Variants in TOMM34 observed in about 807,000 individuals in gnomAD.
TOMM34 encodes the protein translocase of outer mitochondrial membrane 34, also known as mitochondrial import receptor subunit TOM34.
Under a neutral mutation model 37.4 loss-of-function variants are expected in TOMM34, and 24 were observed. The observed-to-expected ratio is 0.64, with a 90% confidence interval of 0.46 to 0.90. TOMM34 has a LOEUF of 0.90. Ranked by LOEUF, TOMM34 falls within the 40% of genes least tolerant of loss-of-function variation. The pLI is 0.00. For synonymous variants in TOMM34, 154 were observed against 148.9 expected (o/e 1.03, Z -0.25); for missense variants, 304 against 375.6 (o/e 0.81, Z 1.58).
intron 5 of TOMM34, 88 bp downstream of exon 5, chr20:44,948,642 T>C: frequency 3.3e-6 from 5 of 1,511,954 alleles, no homozygotes; most frequent in Non-Finnish European, 4.5e-6. Context: ...GACTAAATGC[T>C]AGGGATGAAG....
At chr20:44,947,733 C>T (rs564995472) in intron 5 of TOMM34, among the ~76,000 whole-genome samples, 2 of 152,282 alleles carry the variant, frequency 1.3e-5, no homozygotes, top group Admixed American at 1.3e-4. Flanking sequence ...CTCCTGACCT[C>T]AAGTGATCCT....
intron 5 of TOMM34, among the ~76,000 whole-genome samples, chr20:44,946,696 T>C (rs970971473): frequency 6.6e-5 from 10 of 152,332 alleles, no homozygotes; most frequent in Admixed American, 3.9e-4. Flanking sequence ...AGCCTGGGCA[T>C]TGTGTCATTC....
chr20:44,956,402 T>C lies in TOMM34; in HGVS notation c.211A>G (p.Ile71Val), dbSNP rs1192722853. 14 of 1,614,218 alleles carry C rather than the reference T, an allele frequency of 8.7e-6. No homozygotes were observed. The highest frequency in any genetic ancestry group is 1.0e-5 in the Non-Finnish European group (12 of 1,180,030). The change falls in exon 2 of 7, where the codon ATC becomes GTC. Residue 71 changes from isoleucine to valine, a missense_variant. Physicochemically the swap from Ile to Val is conservative, Grantham distance 29. Coordinates refer to ENST00000372813, the MANE Select transcript of TOMM34 (RefSeq NM_006809.5). ...GCCACTTACGAAGTGCAATCTTTGA[T>C]GCAGTCTCTGCAGTTTCCATCCTTC... ...HLKDGNCRDC[I>V]KDCTSALALV...
At chr20:44,949,662 G>T (rs559612529) in intron 4 of TOMM34, among the ~76,000 whole-genome samples, 2 of 152,244 alleles carry the variant, frequency 1.3e-5, no homozygotes, top group South Asian at 4.1e-4. Flanking sequence ...TATGACCAGG[G>T]TAAGATTATA....
In TOMM34 at chr20:44,951,939, G is replaced by C; in HGVS notation, c.444C>G (p.Pro148=). The part of the protein sequence containing the change: ...PEWRLKLPSI[P]LVPVSAQKRW... ...TCTTCTGAGCTGAAACAGGCACCAAGGGGATTGAGGGCAGCTTCAGGCGCC... is the reference window on the plus strand; with the variant it reads ...TCTTCTGAGCTGAAACAGGCACCAACGGGATTGAGGGCAGCTTCAGGCGCC... Residue 148 remains proline (P), a synonymous_variant, in exon 4 of 7, where the codon CCC becomes CCG. Transcript: ENST00000372813. 6.2e-7 allele frequency: 1 copy of C among 1,614,136 alleles called. No homozygotes were observed. The highest frequency in any genetic ancestry group is 1.1e-5 in the South Asian group (1 of 91,070).
At chr20:44,956,545 G>C in intron 1 of TOMM34, 60 bp from the exon 2 acceptor site, 1 of 1,532,386 alleles carries the variant, frequency 6.5e-7, no homozygotes, top group Non-Finnish European at 9.0e-7. Context: ...AGGGCATTAG[G>C]ATACATTTCA....
chr20:44,959,948 T>G, intron 1 of TOMM34: 2 of 985,360 alleles, frequency 2.0e-6, no homozygotes, highest in Non-Finnish European at 2.4e-6. Flanking sequence ...AAAAATGAAT[T>G]GCTGCGGGGG....
At chr20:44,955,597 TCTG>T (rs2067065232) in intron 2 of TOMM34, 1 of 461,148 alleles carries the variant, frequency 2.2e-6, no homozygotes, top group Non-Finnish European at 4.3e-6. Context: ...GAATTCCACC[TCTG>T]CTGCTAACTA....
At position 44,951,867 on chromosome 20, in the gene TOMM34, G is replaced by C; in HGVS notation, c.516C>G (p.Ser172Arg). Reference sequence around the variant, plus strand: ...TTGTAGCTGTGGTTTCTTTGGATTTGCTTTTAGCCATCTCTTTGTGGTTCT... The same window carrying C: ...TTGTAGCTGTGGTTTCTTTGGATTTCCTTTTAGCCATCTCTTTGTGGTTCT... ...PSENHKEMAKSKSKETTATKN... is the reference protein window; with the variant it reads ...PSENHKEMAKRKSKETTATKN... Residue 172 changes from serine (S) to arginine (R), a missense_variant, in exon 4 of 7, where the codon AGC becomes AGG. Coordinates refer to ENST00000372813, the MANE Select transcript of TOMM34 (RefSeq NM_006809.5). 1 of 1,614,036 alleles carries C rather than the reference G, an allele frequency of 6.2e-7. No individual in the cohort carries two copies. Among genetic ancestry groups the C allele is most frequent in the Admixed American group, 1.7e-5 (1 of 60,008 alleles).
At position 44,955,216 on chromosome 20, in the gene TOMM34, G is replaced by A. The variant is rs1245570268; in HGVS notation, c.232C>T (p.Leu78=). ...RDCIKDCTSA[L]ALVPFSIKPL... is the part of the protein sequence containing the mutation. The stretch of plus-strand genomic sequence containing the variant: ...TTAATGCTGAAGGGAACCAAGGCCA[G>A]TGCTCTAGAATAGGAGGCAAAAATG... The change falls in exon 3 of 7, where the codon CTG becomes TTG. Residue 78 remains leucine (L), a synonymous_variant. Coordinates refer to ENST00000372813, the MANE Select transcript of TOMM34 (RefSeq NM_006809.5). 3 of 1,613,842 alleles carry A rather than the reference G, an allele frequency of 1.9e-6. No homozygotes were observed. Among genetic ancestry groups the A allele is most frequent in the African/African-American group, 2.7e-5 (2 of 74,942 alleles).
chr20:44,945,229 A>G lies in TOMM34; in HGVS notation c.699-1650T>C, dbSNP rs549471984. Among the ~76,000 whole-genome samples, 344 of 152,318 alleles carry G rather than the reference A, an allele frequency of 2.3e-3. 2 individuals are homozygous for G. Among genetic ancestry groups the G allele is most frequent in the Non-Finnish European group, 3.0e-3 (204 of 68,030 alleles). ...TTTCTGACTTATCATGAATTTAAAGAAGAAAATTCTACTAGTCCTTTGTGA... is the reference window on the plus strand; with the variant it reads ...TTTCTGACTTATCATGAATTTAAAGGAGAAAATTCTACTAGTCCTTTGTGA... On this transcript the variant is annotated intron_variant, in intron 5 of 6. Coordinates refer to ENST00000372813, the MANE Select transcript of TOMM34 (RefSeq NM_006809.5).
rs758049930 is a variant in TOMM34 at position 44,943,137 on chromosome 20, C to A, written c.902G>T (p.Arg301Leu). Residue 301 changes from arginine (R) to leucine (L), a missense_variant, in exon 7 of 7, where the codon CGG becomes CTG. By Grantham distance (102) the Arg-to-Leu change is moderately radical. Coordinates refer to ENST00000372813, the MANE Select transcript of TOMM34 (RefSeq NM_006809.5). ...EPRNGPAQKL[R>L]QEVKQNLH ...GTGTAGGTTCTGCTTCACTTCCTGCCGCAACTTCTGTGCAGGACCATTCCT... is the reference window on the plus strand; with the variant it reads ...GTGTAGGTTCTGCTTCACTTCCTGCAGCAACTTCTGTGCAGGACCATTCCT... The A allele has an allele frequency of 3.1e-6, 5 of 1,613,978 alleles. No homozygotes were observed. Among genetic ancestry groups the A allele is most frequent in the Non-Finnish European group, 4.2e-6 (5 of 1,180,016 alleles).
intron 4 of TOMM34, among the ~76,000 whole-genome samples, chr20:44,951,193 T>C (rs895609979): frequency 1.4e-4 from 21 of 152,190 alleles, no homozygotes; most frequent in Admixed American, 8.5e-4. Context: ...TAGAGTTTTT[T>C]GGGGGAAAAA....
intron 1 of TOMM34, among the ~76,000 whole-genome samples, chr20:44,958,144 A>ATGTATATGTTTATATATGTG (rs60792281): frequency 6.8e-6 from 1 of 146,918 alleles, no homozygotes; most frequent in African/African-American, 2.5e-5. Flanking sequence ...ATGTATATAT[A>ATGTATATGTTTATATATGTG]TGTGTGTGTG....
rs556125308 is a variant in TOMM34, at chr20:44,947,107, G to A, written c.698+1623C>T. Among the ~76,000 whole-genome samples, 8 of 152,324 alleles carry A rather than the reference G, an allele frequency of 5.3e-5. No homozygotes were observed. The South Asian group carries it at 1.4e-3, about 28-fold the overall frequency. On this transcript the variant is annotated intron_variant, in intron 5 of 6. Transcript: ENST00000372813. ...AATGAGTTAATGGAGGTGTCCAGCAGCATAAGGTAAGCAATGTGAAAGAGG... is the reference window on the plus strand; with the variant it reads ...AATGAGTTAATGGAGGTGTCCAGCAACATAAGGTAAGCAATGTGAAAGAGG...
At position 44,942,853 on chromosome 20, in the gene TOMM34, T is replaced by G; in HGVS notation, c.*256A>C. 1 of 550,378 alleles carries G rather than the reference T, an allele frequency of 1.8e-6. No homozygotes were observed. The highest frequency in any genetic ancestry group is 3.2e-6 in the Non-Finnish European group (1 of 308,260). 34.1% of individuals were successfully genotyped at this position (550,378 alleles called of 1,614,324 possible). ...TGATCAGCTAGCTGGGCTGGGGGAA[T>G]AGGGACAGAGCTTCAGCTTCACGCT... On this transcript the variant is annotated 3_prime_UTR_variant, in exon 7 of 7. Transcript: ENST00000372813.
chr20:44,954,512 G>A (rs972957217), intron 3 of TOMM34, among the ~76,000 whole-genome samples: 6 of 152,232 alleles, frequency 3.9e-5, no homozygotes, highest in East Asian at 1.9e-4. Context: ...CTTTCTAGCC[G>A]CACACGCAGA....
intron 4 of TOMM34, 97 bp from the exon 5 acceptor site, chr20:44,948,974 A>C: frequency 6.9e-7 from 1 of 1,440,976 alleles, no homozygotes; most frequent in Non-Finnish European, 9.2e-7. Flanking sequence ...ACTGACTACA[A>C]TCCTCTCTCC....
chr20:44,956,519 G>A lies in TOMM34; in HGVS notation c.128-34C>T, dbSNP rs772034063. The A allele has an allele frequency of 1.4e-5, 23 of 1,607,838 alleles. No individual in the cohort carries two copies. The East Asian group carries it at 4.5e-4, about 31-fold the overall frequency. ...ATAGAGTGGGGAAGATGATCAGTTT[G>A]GAAAATGGGTGCCTCAGGGCATTAG... On this transcript the variant is annotated intron_variant, in intron 1 of 6. Transcript: ENST00000372813.
Sources: allele counts gnomAD v4.1 joint callset (sites outside exome capture counted in the v4.1 genomes callset), GRCh38; gene constraint gnomAD v4.1.1; transcripts MANE v1.5; gene names NCBI Gene and HGNC (gene_info 2026-07-23, HGNC 2026-07-21).